Variants in PRKAA2 observed in about 807,000 individuals in gnomAD.
The protein encoded by PRKAA2 is 5'-AMP-activated protein kinase catalytic subunit alpha-2.
Under a neutral mutation model 56.3 loss-of-function variants are expected in PRKAA2, and 40 were observed. The ratio of observed to expected loss-of-function variants is 0.71; its 90% CI spans 0.55 to 0.92. PRKAA2 has a LOEUF of 0.92. Among genes scored for constraint, PRKAA2 ranks in the 40% least tolerant of loss-of-function variants. PRKAA2 has a pLI of 0.00. For synonymous variants in PRKAA2, 214 were observed against 234.2 expected (o/e 0.91, Z 0.79); for missense variants, 542 against 686.9 (o/e 0.79, Z 2.36).
rs947816034 is a variant in PRKAA2 at position 56,714,839 on chromosome 1, T to C, written c.*7126T>C. The C allele has an allele frequency of 5.9e-5, 9 of 152,174 alleles. No homozygotes were observed. Among genetic ancestry groups the C allele is most frequent in the Admixed American group, 3.9e-4 (6 of 15,268 alleles). The allele number at this position is 152,174 out of a possible 1,614,324, so 9.4% of individuals were successfully genotyped here. A position where few individuals can be genotyped will look rare whatever the true frequency, so the allele number is the denominator to read the frequency against. On this transcript the variant is annotated 3_prime_UTR_variant, in exon 9 of 9. Coordinates refer to ENST00000371244, the MANE Select transcript of PRKAA2 (RefSeq NM_006252.4). Reference sequence around the variant, plus strand: ...CCATTTGGTTGTGTCATGACAATCATAATATAGGATATAATATTTACTTTT... The same window carrying C: ...CCATTTGGTTGTGTCATGACAATCACAATATAGGATATAATATTTACTTTT...
At chr1:56,668,834 C>T (rs549458050) in intron 1 of PRKAA2, among the ~76,000 whole-genome samples, 5 of 152,272 alleles carry the variant, frequency 3.3e-5, no homozygotes, top group Non-Finnish European at 7.4e-5. Flanking sequence ...AATTTGAAAA[C>T]TTTTAATCTT....
intron 2 of PRKAA2, among the ~76,000 whole-genome samples, chr1:56,691,193 C>T (rs79705215): frequency 0.014 from 2,162 of 152,302 alleles, 130 homozygotes; most frequent in Admixed American, 0.11. Flanking sequence ...TCTAAAGGAA[C>T]GGCCGTGAGC....
At chr1:56,677,306 T>C (rs2796495) in intron 2 of PRKAA2, among the ~76,000 whole-genome samples, 72,361 of 152,034 alleles carry the variant, frequency 0.48, 17,517 homozygotes, top group East Asian at 0.64. Flanking sequence ...ACTTCAACTC[T>C]GTATTATTCA....
chr1:56,677,144 C>A (rs1381382331), intron 2 of PRKAA2, among the ~76,000 whole-genome samples: 1 of 152,190 alleles, frequency 6.6e-6, no homozygotes, highest in Non-Finnish European at 1.5e-5. Context: ...AAATGGGACA[C>A]CTCATTTGAG....
At position 56,709,509 on chromosome 1, in the gene PRKAA2, T is replaced by A. The variant is rs746572247; in HGVS notation, c.*1796T>A. On this transcript the variant is annotated 3_prime_UTR_variant, in exon 9 of 9. Transcript: ENST00000371244. Reference sequence around the variant, plus strand: ...CACCAAAAGGTAATTTTTACATGATTATTTGTATAGTGATAAGCAGTCCTG... The same window carrying A: ...CACCAAAAGGTAATTTTTACATGATAATTTGTATAGTGATAAGCAGTCCTG... The A allele has an allele frequency of 6.6e-5, 10 of 152,150 alleles. No homozygotes were observed. Among genetic ancestry groups the A allele is most frequent in the Non-Finnish European group, 1.2e-4 (8 of 68,018 alleles). The allele number at this position is 152,150 out of a possible 1,614,324, so 9.4% of individuals were successfully genotyped here.
rs1644363260 is a variant in PRKAA2, at chr1:56,710,552, A to G, written c.*2839A>G. The G allele has an allele frequency of 6.6e-6, 1 of 152,152 alleles. No homozygotes were observed. Among genetic ancestry groups the G allele is most frequent in the African/African-American group, 2.4e-5 (1 of 41,450 alleles). 9.4% of individuals were successfully genotyped at this position (152,152 alleles called of 1,614,324 possible). On this transcript the variant is annotated 3_prime_UTR_variant, in exon 9 of 9. Transcript: ENST00000371244. The stretch of plus-strand genomic sequence containing the variant: ...CAGAATGCCATAATTAGGGTAGTTA[A>G]TAATTAACACTTCCATTTCTCTTAC...
chr1:56,674,559 C>T (rs749883998), intron 2 of PRKAA2, 37 bp downstream of exon 2: 1 of 1,354,730 alleles, frequency 7.4e-7, no homozygotes, highest in East Asian at 2.7e-5. Context: ...CAAAGAGACA[C>T]CTATCTTAAA....
chr1:56,674,999 T>G lies in PRKAA2; in HGVS notation c.236+477T>G, dbSNP rs192235200. Among the ~76,000 whole-genome samples the G allele has an allele frequency of 9.7e-4, 148 of 152,212 alleles. No individual in the cohort carries two copies. In the East Asian group the frequency reaches 0.012, roughly 12 times the overall value. On this transcript the variant is annotated intron_variant, in intron 2 of 8. Coordinates refer to ENST00000371244, the MANE Select transcript of PRKAA2 (RefSeq NM_006252.4). Reference sequence around the variant, plus strand: ...AGTATATTACTTGTAGAACTGAAAGTAGTACTATAACCATAAAGCTTTTAG... The same window carrying G: ...AGTATATTACTTGTAGAACTGAAAGGAGTACTATAACCATAAAGCTTTTAG...
At chr1:56,693,316 CT>C (rs1312394910) in intron 4 of PRKAA2, among the ~76,000 whole-genome samples, 2 of 152,070 alleles carry the variant, frequency 1.3e-5, no homozygotes, top group African/African-American at 4.8e-5. Context: ...AAATTAAAAA[CT>C]TTTGGAACAT....
rs1644377253 is a variant in PRKAA2, at chr1:56,712,747, G to A, written c.*5034G>A. On this transcript the variant is annotated 3_prime_UTR_variant, in exon 9 of 9. Transcript: ENST00000371244. ...GCTGCTTGTAATCCCAGCTACTCGGGAGGCTGAGGCACGGGAATCTCTTGA... is the reference window on the plus strand; with the variant it reads ...GCTGCTTGTAATCCCAGCTACTCGGAAGGCTGAGGCACGGGAATCTCTTGA... 1 of 152,056 alleles carries A rather than the reference G, an allele frequency of 6.6e-6. No individual in the cohort carries two copies. The highest frequency in any genetic ancestry group is 6.6e-5 in the Admixed American group (1 of 15,262). The allele number at this position is 152,056 out of a possible 1,614,324, so 9.4% of individuals were successfully genotyped here. A position where few individuals can be genotyped will look rare whatever the true frequency, so the allele number is the denominator to read the frequency against.
intron 1 of PRKAA2, among the ~76,000 whole-genome samples, chr1:56,665,351 G>A (rs1644027930): frequency 6.6e-6 from 1 of 152,128 alleles, no homozygotes; most frequent in African/African-American, 2.4e-5. Flanking sequence ...TGGGATTACA[G>A]GCTTGAGCCA....
At chr1:56,706,995 C>A (rs551614760) in intron 8 of PRKAA2, among the ~76,000 whole-genome samples, 19 of 152,242 alleles carry the variant, frequency 1.2e-4, no homozygotes, top group Non-Finnish European at 2.4e-4. Context: ...GGAACCACTC[C>A]AGACCTATTA....
intron 1 of PRKAA2, among the ~76,000 whole-genome samples, 167 bp from the exon 2 acceptor site, chr1:56,674,214 A>G (rs1003826186): frequency 4.6e-5 from 7 of 152,204 alleles, no homozygotes; most frequent in Admixed American, 6.5e-5. Context: ...CAGAGAGTGC[A>G]TACTCTAATA....
intron 1 of PRKAA2, among the ~76,000 whole-genome samples, chr1:56,668,027 A>G (rs6588645): frequency 0.34 from 52,167 of 151,982 alleles, 9,265 homozygotes; most frequent in Admixed American, 0.48. Flanking sequence ...TTATTTATTT[A>G]GATAAAATAC....
rs1644317875 is a variant in PRKAA2, at chr1:56,704,408, A to G, written c.1226A>G (p.Gln409Arg). 6.2e-7 allele frequency: 1 copy of G among 1,614,066 alleles called. No homozygotes were observed. The highest frequency in any genetic ancestry group is 1.1e-5 in the South Asian group (1 of 91,068). The stretch of plus-strand genomic sequence containing the variant: ...AAGTGGCATCTTGGAATCCGAAGTC[A>G]GAGCAAACCGTATGACATTATGGCT... ...KAKWHLGIRS[Q>R]SKPYDIMAEV... The change falls in exon 7 of 9, where the codon CAG (glutamine) becomes CGG (arginine). Residue 409 changes from glutamine (Q) to arginine (R), a missense_variant. Coordinates refer to ENST00000371244, the MANE Select transcript of PRKAA2 (RefSeq NM_006252.4).
chr1:56,664,071 C>T (rs1644015739), intron 1 of PRKAA2, among the ~76,000 whole-genome samples: 1 of 152,102 alleles, frequency 6.6e-6, no homozygotes, highest in Non-Finnish European at 1.5e-5. Context: ...GCCTTCCAGC[C>T]TGGGCAACAG....
At chr1:56,651,120 C>T (rs189098986) in intron 1 of PRKAA2, among the ~76,000 whole-genome samples, 17 of 152,100 alleles carry the variant, frequency 1.1e-4, no homozygotes, top group Admixed American at 1.0e-3. Context: ...ACTGGAGTAG[C>T]GAATCTGTGA....
At chr1:56,703,943 C>G in intron 6 of PRKAA2, 28 bp from the exon 7 acceptor site, 1 of 1,562,936 alleles carries the variant, frequency 6.4e-7, no homozygotes, top group Non-Finnish European at 8.7e-7. Context: ...CCATGTCTTA[C>G]AATAATGTAT....
chr1:56,679,682 A>G (rs1295659808), intron 2 of PRKAA2, among the ~76,000 whole-genome samples: 1 of 151,964 alleles, frequency 6.6e-6, no homozygotes, highest in Non-Finnish European at 1.5e-5. Flanking sequence ...TACTTTATCC[A>G]CATCTCCCTT....
Sources: gnomAD v4.1 joint callset for allele counts (sites outside exome capture counted in the v4.1 genomes callset) on GRCh38, gnomAD v4.1.1 for gene constraint, MANE v1.5 for transcripts, NCBI Gene and HGNC (gene_info 2026-07-23, HGNC 2026-07-21) for gene names.